Variants in SNX29 observed in about 807,000 individuals in gnomAD.
SNX29 encodes the protein sorting nexin-29.
Under a neutral mutation model 102.1 loss-of-function variants are expected in SNX29, and 78 were observed. The ratio of observed to expected loss-of-function variants is 0.76; its 90% CI spans 0.64 to 0.92. The LOEUF is 0.92. Among genes scored for constraint, SNX29 ranks in the 40% least tolerant of loss-of-function variants. The probability of loss-of-function intolerance (pLI) is 0.00; values close to 1 mark genes in which losing one functional copy is unlikely to be tolerated. For missense variants in SNX29, 1,280 were observed against 1,061.7 expected, an observed-to-expected ratio of 1.21 and a Z score of -2.86; for synonymous variants, 580 against 414.5, an observed-to-expected ratio of 1.40 and a Z score of -4.85.
chr16:12,075,057 T>C (rs1239504821), intron 10 of SNX29, among the ~76,000 whole-genome samples: 4 of 152,206 alleles, frequency 2.6e-5, no homozygotes, highest in Non-Finnish European at 5.9e-5. Context: ...ATTCTAGTTA[T>C]ACATTCGTCT....
intron 8 of SNX29, among the ~76,000 whole-genome samples, chr16:12,059,992 G>A (rs1353831946): frequency 3.9e-5 from 6 of 152,006 alleles, no homozygotes; most frequent in Non-Finnish European, 5.9e-5. Flanking sequence ...TCTTAAGTAG[G>A]TATGATTATG....
intron 19 of SNX29, among the ~76,000 whole-genome samples, chr16:12,512,764 C>T (rs2151924191): frequency 6.6e-6 from 1 of 152,234 alleles, no homozygotes; most frequent in East Asian, 1.9e-4. Flanking sequence ...CAGGGCCTGG[C>T]ACAGAAGTGA....
intron 11 of SNX29, among the ~76,000 whole-genome samples, chr16:12,090,953 C>G (rs1057362034): frequency 7.9e-6 from 1 of 126,814 alleles, no homozygotes; most frequent in African/African-American, 3.1e-5. Context: ...AAGTGGAGGT[C>G]GCAGTGAGAC....
intron 11 of SNX29, among the ~76,000 whole-genome samples, chr16:12,110,099 G>A (rs1028671825): frequency 2.4e-4 from 37 of 152,268 alleles, no homozygotes; most frequent in African/African-American, 8.4e-4. Flanking sequence ...CGGAGGCTCC[G>A]ACCCTAAGCT....
chr16:12,197,164 C>G (rs987525922), intron 13 of SNX29, among the ~76,000 whole-genome samples: 26 of 152,194 alleles, frequency 1.7e-4, no homozygotes, highest in African/African-American at 6.3e-4. Flanking sequence ...TTAGAAATGT[C>G]TATAACTGCC....
At chr16:12,178,187 A>G (rs912618832) in intron 13 of SNX29, among the ~76,000 whole-genome samples, 2 of 152,072 alleles carry the variant, frequency 1.3e-5, no homozygotes, top group African/African-American at 4.8e-5. Flanking sequence ...ACGCACAGGG[A>G]CCCTGGCAGG....
intron 14 of SNX29, among the ~76,000 whole-genome samples, chr16:12,234,126 C>T (rs557036908): frequency 1.3e-5 from 2 of 152,078 alleles, no homozygotes; most frequent in Non-Finnish European, 2.9e-5. Context: ...AGTGGGATTG[C>T]TGGGTCAAAG....
At chr16:12,220,708 T>G (rs1567326644) in intron 14 of SNX29, among the ~76,000 whole-genome samples, 1 of 152,248 alleles carries the variant, frequency 6.6e-6, no homozygotes, top group Non-Finnish European at 1.5e-5. Context: ...TGACATTGTT[T>G]GAATTTAATG....
At chr16:12,220,000 C>A (rs1433530488) in intron 14 of SNX29, among the ~76,000 whole-genome samples, 1 of 152,244 alleles carries the variant, frequency 6.6e-6, no homozygotes, top group Non-Finnish European at 1.5e-5. Context: ...CTCTCTGTGT[C>A]CCTGACTGAG....
At chr16:12,463,998 A>G (rs1484672358) in intron 18 of SNX29, among the ~76,000 whole-genome samples, 4 of 152,050 alleles carry the variant, frequency 2.6e-5, no homozygotes, top group Non-Finnish European at 4.4e-5. Context: ...TTTGACCAAC[A>G]TCACCTATCT....
chr16:12,572,090 G>A lies in SNX29; in HGVS notation c.*3461G>A, dbSNP rs991690651. Reference sequence around the variant, plus strand: ...GCAAGATCTAGGAAGAGGAAGGGGAGGGATGTGGACTGGGTCTGATCACAG... The same window carrying A: ...GCAAGATCTAGGAAGAGGAAGGGGAAGGATGTGGACTGGGTCTGATCACAG... On this transcript the variant is annotated 3_prime_UTR_variant, in exon 21 of 21. Coordinates refer to ENST00000566228, the MANE Select transcript of SNX29 (RefSeq NM_032167.5). The A allele has an allele frequency of 5.6e-6, 6 of 1,061,994 alleles. No homozygotes were observed. Among genetic ancestry groups the A allele is most frequent in the South Asian group, 9.1e-5 (2 of 21,948 alleles). 65.8% of individuals were successfully genotyped at this position (1,061,994 alleles called of 1,614,324 possible). A position where few individuals can be genotyped will look rare whatever the true frequency, so the allele number is the denominator to read the frequency against.
intron 20 of SNX29, among the ~76,000 whole-genome samples, chr16:12,537,442 T>G (rs1284008304): frequency 3.9e-5 from 6 of 152,184 alleles, no homozygotes; most frequent in African/African-American, 1.4e-4. Flanking sequence ...AGCAGCCTTG[T>G]GAACTTCACC....
At chr16:12,474,768 C>G (rs1424150697) in intron 18 of SNX29, among the ~76,000 whole-genome samples, 1 of 152,170 alleles carries the variant, frequency 6.6e-6, no homozygotes, top group Non-Finnish European at 1.5e-5. Flanking sequence ...GTGCATTGAT[C>G]TCTCTCCCAC....
At chr16:12,490,450 TAATG>T (rs2088490051) in intron 19 of SNX29, among the ~76,000 whole-genome samples, 1 of 152,238 alleles carries the variant, frequency 6.6e-6, no homozygotes, top group Non-Finnish European at 1.5e-5. Flanking sequence ...CTTTTACTAT[TAATG>T]AATAGTTCAA....
At chr16:12,547,610 C>A (rs908853620) in intron 20 of SNX29, among the ~76,000 whole-genome samples, 1 of 152,112 alleles carries the variant, frequency 6.6e-6, no homozygotes, top group Non-Finnish European at 1.5e-5. Flanking sequence ...AAGTCAGCCT[C>A]AGCACCACTA....
At chr16:12,556,900 T>C (rs572575676) in intron 20 of SNX29, among the ~76,000 whole-genome samples, 1,723 of 151,670 alleles carry the variant, frequency 0.011, 29 homozygotes, top group African/African-American at 0.04. Flanking sequence ...TCTCCTCACC[T>C]TGAGTGTAGT....
intron 18 of SNX29, among the ~76,000 whole-genome samples, chr16:12,429,919 A>C (rs903815034): frequency 6.6e-6 from 1 of 152,214 alleles, no homozygotes; most frequent in Non-Finnish European, 1.5e-5. Flanking sequence ...GACCACAGGC[A>C]GCTTACTGAA....
chr16:12,023,128 C>T (rs977249424), intron 3 of SNX29, among the ~76,000 whole-genome samples: 2 of 151,968 alleles, frequency 1.3e-5, no homozygotes, highest in Admixed American at 6.6e-5. Flanking sequence ...AACTCCTGAC[C>T]TCAAGTGATC....
At chr16:12,310,254 A>C (rs551144966) in intron 15 of SNX29, among the ~76,000 whole-genome samples, 42 of 152,326 alleles carry the variant, frequency 2.8e-4, no homozygotes, top group African/African-American at 9.6e-4. Context: ...CTTGACCCTG[A>C]AAAAAGGATG....
Sources: allele counts gnomAD v4.1 joint callset (sites outside exome capture counted in the v4.1 genomes callset), GRCh38; gene constraint gnomAD v4.1.1; transcripts MANE v1.5; gene names NCBI Gene and HGNC (gene_info 2026-07-23, HGNC 2026-07-21).